Variants in GBE1 observed in about 807,000 individuals in gnomAD.
GBE1 encodes the protein 1,4-alpha-glucan-branching enzyme.
In GBE1, 70 loss-of-function variants were observed where a neutral mutation model predicts 88.8. The observed-to-expected ratio is 0.79, with a 90% CI of 0.65 to 0.96. GBE1 has a LOEUF of 0.96. GBE1 is among the 40% of genes least tolerant of loss of function. The pLI, the probability that GBE1 is intolerant of heterozygous loss-of-function variation, is 0.00. For synonymous variants in GBE1, 284 were observed against 300.1 expected, an observed-to-expected ratio of 0.95 and a Z score of 0.56; for missense variants, 872 against 871.0, an observed-to-expected ratio of 1.00 and a Z score of -0.01.
intron 7 of GBE1, among the ~76,000 whole-genome samples, chr3:81,640,629 T>C (rs1232387016): frequency 1.1e-4 from 16 of 151,764 alleles, no homozygotes; most frequent in Admixed American, 6.6e-5. Context: ...TATATAAATA[T>C]ATATATATAT....
In GBE1 at chr3:81,676,688, C is replaced by T. The variant is rs946689528; in HGVS notation, c.314-5735G>A. On this transcript the variant is annotated intron_variant, in intron 2 of 15. Transcript: ENST00000429644. ...TAAGTGCTGGGATACATGTGCAGAA[C>T]GTGCAGGTTTGTTACATAGGTATAC... Among the ~76,000 whole-genome samples, 4 of 151,968 alleles carry T rather than the reference C, an allele frequency of 2.6e-5. No homozygotes were observed. In the East Asian group the frequency reaches 5.8e-4, roughly 22 times the overall value.
chr3:81,537,125 C>T (rs1396652512), intron 12 of GBE1, 30 bp from the exon 13 acceptor site: 9 of 1,284,960 alleles, frequency 7.0e-6, no homozygotes, highest in Non-Finnish European at 9.3e-6. Flanking sequence ...CAAATATCAG[C>T]CTATTAATAT....
At chr3:81,604,285 TC>T (rs145330757) in intron 7 of GBE1, among the ~76,000 whole-genome samples, 52,817 of 122,718 alleles carry the variant, frequency 0.43, 13,550 homozygotes, top group African/African-American at 0.73. Flanking sequence ...TTTCTTTCTT[TC>T]TTTTTTTTTT....
At chr3:81,554,876 G>C (rs567712987) in intron 12 of GBE1, among the ~76,000 whole-genome samples, 1 of 152,072 alleles carries the variant, frequency 6.6e-6, no homozygotes, top group African/African-American at 2.4e-5. Context: ...GTAGAGAGAC[G>C]TAACTACCTG....
At position 81,510,495 on chromosome 3, in the gene GBE1, T is replaced by TGC. The variant is rs1466773576; in HGVS notation, c.1935-11269_1935-11268insGC. 7.2e-5 allele frequency among the ~76,000 whole-genome samples: 11 copies of TGC among 152,224 alleles called. No individual in the cohort carries two copies. In the East Asian group the frequency reaches 2.1e-3, roughly 29 times the overall value. ...AAAACTGTAAAGCAAAGCTTGCAGG[T>TGC]GTGCATATCTGCATCATCACTTCAG... On this transcript the variant is annotated intron_variant, in intron 14 of 15. Coordinates refer to ENST00000429644, the MANE Select transcript of GBE1 (RefSeq NM_000158.4).
intron 7 of GBE1, among the ~76,000 whole-genome samples, chr3:81,597,122 G>A (rs1703966423): frequency 6.6e-6 from 1 of 151,858 alleles, no homozygotes; most frequent in African/African-American, 2.4e-5. Context: ...CCTTGAGTCA[G>A]AGTATAACAA....
chr3:81,731,550 G>A (rs1466766622), intron 1 of GBE1, among the ~76,000 whole-genome samples: 1 of 152,042 alleles, frequency 6.6e-6, no homozygotes, highest in Non-Finnish European at 1.5e-5. Context: ...GTTTGGATTT[G>A]TGTACCCACC....
chr3:81,626,860 TAGATTCCA>T (rs1468286941), intron 7 of GBE1, among the ~76,000 whole-genome samples: 1 of 152,138 alleles, frequency 6.6e-6, no homozygotes, highest in Non-Finnish European at 1.5e-5. Flanking sequence ...ATTAGCTAAT[TAGATTCCA>T]AGAATTTTGA....
intron 12 of GBE1, among the ~76,000 whole-genome samples, chr3:81,574,472 C>T (rs1402568571): frequency 6.6e-6 from 1 of 152,176 alleles, no homozygotes; most frequent in East Asian, 1.9e-4. Context: ...ACCCAGATCA[C>T]ACAGCCAAAA....
intron 7 of GBE1, among the ~76,000 whole-genome samples, chr3:81,632,710 C>A (rs1704532283): frequency 6.6e-6 from 1 of 152,004 alleles, no homozygotes; most frequent in Admixed American, 6.6e-5. Flanking sequence ...TAGGTATATA[C>A]CCAAAGGATT....
chr3:81,638,956 AAAG>A (rs1704631121), intron 7 of GBE1, among the ~76,000 whole-genome samples: 1 of 152,242 alleles, frequency 6.6e-6, no homozygotes, highest in African/African-American at 2.4e-5. Flanking sequence ...AAAAGTTTTC[AAAG>A]AAGAGGCTTA....
At chr3:81,497,349 A>G (rs1702513725) in intron 15 of GBE1, among the ~76,000 whole-genome samples, 2 of 152,198 alleles carry the variant, frequency 1.3e-5, no homozygotes. Flanking sequence ...CTGAACAATA[A>G]TTGCCTCTCC....
At chr3:81,592,152 C>T (rs567193210) in intron 8 of GBE1, among the ~76,000 whole-genome samples, 10 of 151,914 alleles carry the variant, frequency 6.6e-5, no homozygotes, top group East Asian at 1.9e-4. Context: ...TGTGTGTGCG[C>T]GCGTGTGTGT....
chr3:81,600,852 G>A (rs76758100), intron 7 of GBE1, among the ~76,000 whole-genome samples: 3,923 of 152,118 alleles, frequency 0.026, 182 homozygotes, highest in African/African-American at 0.089. Flanking sequence ...AGCAATTGAG[G>A]TAGGGAAAGG....
intron 2 of GBE1, among the ~76,000 whole-genome samples, chr3:81,691,575 G>A (rs1005115122): frequency 2.0e-5 from 3 of 151,966 alleles, no homozygotes; most frequent in Non-Finnish European, 4.4e-5. Context: ...CCAGGAGTTC[G>A]ACACCAGCCT....
At chr3:81,533,401 A>C (rs1189146892) in intron 14 of GBE1, among the ~76,000 whole-genome samples, 1 of 152,094 alleles carries the variant, frequency 6.6e-6, no homozygotes, top group Admixed American at 6.6e-5. Flanking sequence ...GGTTAACTGG[A>C]GCACATTTGT....
intron 7 of GBE1, among the ~76,000 whole-genome samples, chr3:81,596,669 T>G (rs1374480592): frequency 6.6e-6 from 1 of 151,936 alleles, no homozygotes; most frequent in Non-Finnish European, 1.5e-5. Flanking sequence ...AAAAAACTTC[T>G]TCCCTAATCA....
In GBE1 at chr3:81,562,877, T is replaced by G. The variant is rs189083431; in HGVS notation, c.1618+15048A>C. 3.7e-3 allele frequency among the ~76,000 whole-genome samples: 559 copies of G among 152,082 alleles called. 1 individual carries two copies. Among genetic ancestry groups the G allele is most frequent in the African/African-American group, 0.013 (531 of 41,498 alleles). ...TAGGTCACTTTCATCTTTTTTTTTT[T>G]TAATGGGAGGGGGACCAAGTTGGGA... is the stretch of plus-strand genomic sequence containing the variant. On this transcript the variant is annotated intron_variant, in intron 12 of 15. Coordinates refer to ENST00000429644, the MANE Select transcript of GBE1 (RefSeq NM_000158.4).
At chr3:81,723,005 C>G (rs1706057016) in intron 1 of GBE1, among the ~76,000 whole-genome samples, 1 of 150,562 alleles carries the variant, frequency 6.6e-6, no homozygotes, top group Admixed American at 6.7e-5. Context: ...AATACCTAAT[C>G]AGATATCTAA....
Sources: gnomAD v4.1 joint callset for allele counts (sites outside exome capture counted in the v4.1 genomes callset) on GRCh38, gnomAD v4.1.1 for gene constraint, MANE v1.5 for transcripts, NCBI Gene and HGNC (gene_info 2026-07-23, HGNC 2026-07-21) for gene names.